The following RPP30 variants were observed in gnomAD, a reference collection of about 807,000 sequenced individuals.
The protein encoded by RPP30 is ribonuclease P protein subunit p30.
In RPP30, 36 loss-of-function variants were observed where a neutral mutation model predicts 38.6. The observed-to-expected ratio is 0.93, with a 90% confidence interval of 0.71 to 1.23. RPP30 has a LOEUF of 1.23. Among genes scored for constraint, RPP30 ranks in the 50% most tolerant of loss-of-function variants. RPP30 has a pLI of 0.00. For missense variants in RPP30, 321 were observed against 321.7 expected (o/e 1.00, Z 0.02); for synonymous variants, 126 against 112.7 (o/e 1.12, Z -0.75).
intron 6 of RPP30, among the ~76,000 whole-genome samples, chr10:90,888,526 G>A (rs1344490370): frequency 6.6e-6 from 1 of 152,204 alleles, no homozygotes; most frequent in East Asian, 1.9e-4. Flanking sequence ...AGTTTGTTGA[G>A]TCAATAAGTA....
At chr10:90,895,236 A>T in intron 7 of RPP30, 1 of 495,404 alleles carries the variant, frequency 2.0e-6, no homozygotes, top group Non-Finnish European at 3.5e-6. Flanking sequence ...ACCTTTACTA[A>T]GATCTGTTAG....
intron 6 of RPP30, among the ~76,000 whole-genome samples, chr10:90,890,977 C>T (rs1847075289): frequency 6.6e-6 from 1 of 152,178 alleles, no homozygotes; most frequent in African/African-American, 2.4e-5. Flanking sequence ...ATTAGAGATA[C>T]ACTCTGTTGT....
intron 6 of RPP30, among the ~76,000 whole-genome samples, chr10:90,886,427 T>G (rs1218996304): frequency 1.3e-5 from 2 of 152,212 alleles, no homozygotes; most frequent in Admixed American, 6.5e-5. Context: ...CAGAAAACTT[T>G]TTTGTTTCTC....
intron 6 of RPP30, among the ~76,000 whole-genome samples, chr10:90,890,796 A>C (rs1241287561): frequency 7.0e-6 from 1 of 142,500 alleles, no homozygotes; most frequent in Non-Finnish European, 1.5e-5. Context: ...TAAAGACCAA[A>C]GAGTGCCTAG....
chr10:90,880,327 T>A (rs995978210), intron 5 of RPP30: 2 of 151,870 alleles, frequency 1.3e-5, no homozygotes, highest in Admixed American at 1.3e-4. Context: ...ACATTAATAG[T>A]TTTCAAGACA....
intron 9 of RPP30, 84 bp from the exon 10 acceptor site, chr10:90,896,229 G>A (rs1439774534): frequency 8.3e-7 from 1 of 1,207,234 alleles, no homozygotes; most frequent in African/African-American, 1.5e-5. Flanking sequence ...AAGATGACCA[G>A]GTTAGCTGGC....
rs1653163553 is a variant in RPP30, at chr10:90,900,650, G to C, written c.778G>C (p.Ala260Pro). Residue 260 changes from alanine to proline, a missense_variant, in exon 11 of 11, where the codon GCT becomes CCT. Ala to Pro is a conservative substitution (Grantham distance 27). Transcript: ENST00000371703. ...AGAAGGAGATGAAGATTGTCTTCCAGCTTCCAAGAAAGCCAAGTGTGAGGG... is the reference window on the plus strand; with the variant it reads ...AGAAGGAGATGAAGATTGTCTTCCACCTTCCAAGAAAGCCAAGTGTGAGGG... Reference protein sequence around the residue: ...PSEGDEDCLPASKKAKCEG With the variant: ...PSEGDEDCLPPSKKAKCEG 5 of 1,613,602 alleles carry C rather than the reference G, an allele frequency of 3.1e-6. No homozygotes were observed. Among genetic ancestry groups the C allele is most frequent in the Non-Finnish European group, 4.2e-6 (5 of 1,179,758 alleles).
chr10:90,889,350 C>A (rs1847044543), intron 6 of RPP30, among the ~76,000 whole-genome samples: 1 of 145,324 alleles, frequency 6.9e-6, no homozygotes, highest in African/African-American at 2.6e-5. Flanking sequence ...GCTCTGTCCA[C>A]CCACGCTGGA....
intron 2 of RPP30, 86 bp downstream of exon 2, chr10:90,875,010 G>T (rs926392938): frequency 1.2e-6 from 1 of 826,038 alleles, no homozygotes; most frequent in Non-Finnish European, 1.9e-6. Flanking sequence ...CTACAGATTA[G>T]AATATTTCTT....
At chr10:90,881,376 G>T (rs1001145064) in intron 5 of RPP30, among the ~76,000 whole-genome samples, 7 of 152,112 alleles carry the variant, frequency 4.6e-5, no homozygotes, top group African/African-American at 1.7e-4. Flanking sequence ...AGACTATGTT[G>T]TAATTTCATA....
intron 10 of RPP30, 44 bp from the exon 11 acceptor site, chr10:90,900,524 TTA>T (rs1187311890): frequency 3.2e-6 from 5 of 1,568,982 alleles, no homozygotes; most frequent in Non-Finnish European, 4.3e-6. Flanking sequence ...TCATTTTAAA[TTA>T]TGTCTTAACT....
chr10:90,908,021 C>A (rs1315930344), downstream of RPP30, among the ~76,000 whole-genome samples: 1 of 152,190 alleles, frequency 6.6e-6, no homozygotes, highest in Non-Finnish European at 1.5e-5. Context: ...ACTTGTACGA[C>A]ATGTCACTGT....
intron 6 of RPP30, among the ~76,000 whole-genome samples, chr10:90,888,310 A>G (rs1717164153): frequency 6.6e-6 from 1 of 152,232 alleles, no homozygotes; most frequent in South Asian, 2.1e-4. Context: ...AAGTCCATGG[A>G]ATGGACAGCA....
chr10:90,906,651 A>G (rs536267513), downstream of RPP30, among the ~76,000 whole-genome samples: 9 of 152,326 alleles, frequency 5.9e-5, no homozygotes, highest in East Asian at 1.9e-4. Flanking sequence ...TAGGAGGGCT[A>G]TTTGATCCAG....
At chr10:90,889,355 G>T (rs1452700529) in intron 6 of RPP30, among the ~76,000 whole-genome samples, 1 of 129,062 alleles carries the variant, frequency 7.7e-6, no homozygotes, top group Non-Finnish European at 1.5e-5. Context: ...GTCCACCCAC[G>T]CTGGAGTGCA....
At chr10:90,873,968 C>G (rs1199738065) in intron 1 of RPP30, among the ~76,000 whole-genome samples, 1 of 152,150 alleles carries the variant, frequency 6.6e-6, no homozygotes, top group African/African-American at 2.4e-5. Flanking sequence ...TGCCTTCGTT[C>G]TCCAACAGAC....
chr10:90,879,513 T>A (rs956301265), intron 5 of RPP30, among the ~76,000 whole-genome samples: 5 of 152,144 alleles, frequency 3.3e-5, no homozygotes, highest in Non-Finnish European at 7.3e-5. Flanking sequence ...AGGAGCAAGG[T>A]TCTATTGTAG....
chr10:90,887,326 A>G (rs1847015586), intron 6 of RPP30, among the ~76,000 whole-genome samples: 1 of 152,158 alleles, frequency 6.6e-6, no homozygotes. Context: ...TATGCTACTC[A>G]AACTAAAAAT....
chr10:90,878,536 G>A (rs1846881898), intron 4 of RPP30, among the ~76,000 whole-genome samples: 1 of 150,618 alleles, frequency 6.6e-6, no homozygotes, highest in Admixed American at 6.6e-5. Flanking sequence ...TTGTTGTCCA[G>A]GCTTGAGTGC....
Sources: gnomAD v4.1 joint callset for allele counts (sites outside exome capture counted in the v4.1 genomes callset) on GRCh38, gnomAD v4.1.1 for gene constraint, MANE v1.5 for transcripts, NCBI Gene and HGNC (gene_info 2026-07-23, HGNC 2026-07-21) for gene names.